The following ANKRD63 variants were observed in gnomAD, a reference collection of about 807,000 sequenced individuals.
The protein encoded by ANKRD63 is ankyrin repeat domain 63, also known as ankyrin repeat domain-containing protein 63.
In ANKRD63, 18 loss-of-function variants were observed where a neutral mutation model predicts 21.2. The ratio of observed to expected loss-of-function variants is 0.85; its 90% CI spans 0.59 to 1.26. The LOEUF (loss-of-function observed/expected upper bound fraction) is 1.26. ANKRD63 is among the 50% of genes most tolerant of loss of function. ANKRD63 has a pLI of 0.00. For synonymous variants in ANKRD63, 322 were observed against 273.3 expected, an observed-to-expected ratio of 1.18 and a Z score of -1.76; for missense variants, 523 against 570.9, an observed-to-expected ratio of 0.92 and a Z score of 0.85.
Position 40,281,456 on chromosome 15 carries a change from A to G in ANKRD63, c.1131T>C (p.Arg377=), listed in dbSNP as rs1316421010. ...WQAGTEAVVL[R]AQR ...GCCTTGGCGCCGTTTACCGCTGAGC[A>G]CGCAGCACCACAGCCTCGGTGCCCG... The change falls in exon 1 of 1, where the codon CGT becomes CGC. Residue 377 remains arginine (R), a synonymous_variant. Coordinates refer to ENST00000434396, the MANE Select transcript of ANKRD63 (RefSeq NM_001190479.3). The G allele has an allele frequency of 3.5e-6, 5 of 1,416,342 alleles. No individual in the cohort carries two copies. Among genetic ancestry groups the G allele is most frequent in the Non-Finnish European group, 4.6e-6 (5 of 1,090,242 alleles). 87.7% of individuals were successfully genotyped at this position (1,416,342 alleles called of 1,614,324 possible).
chr15:40,282,029 G>A lies in ANKRD63; in HGVS notation c.558C>T (p.Ala186=), dbSNP rs1042534532. ...PWGRAAAAAA[A]RGSNSDSPPG... is the part of the protein sequence containing the mutation. Reference sequence around the variant, plus strand: ...GGGGACTATCGGAGTTGGAGCCCCGGGCCGCAGCGGCGGCGGCGGCGCGGC... The same window carrying A: ...GGGGACTATCGGAGTTGGAGCCCCGAGCCGCAGCGGCGGCGGCGGCGCGGC... Residue 186 remains alanine, a synonymous_variant, in exon 1 of 1, where the codon GCC becomes GCT. Coordinates refer to ENST00000434396, the MANE Select transcript of ANKRD63 (RefSeq NM_001190479.3). 2 of 1,220,142 alleles carry A rather than the reference G, an allele frequency of 1.6e-6. No homozygotes were observed. The highest frequency in any genetic ancestry group is 1.0e-6 in the Non-Finnish European group (1 of 982,136). The allele number at this position is 1,220,142 out of a possible 1,614,324, so 75.6% of individuals were successfully genotyped here.
Position 40,281,877 on chromosome 15 carries a change from C to T in ANKRD63, c.710G>A (p.Gly237Asp), listed in dbSNP as rs2039547882. The change falls in exon 1 of 1, where the codon GGC becomes GAC. Residue 237 changes from glycine to aspartate, a missense_variant. Gly to Asp is a moderately conservative substitution (Grantham distance 94). Transcript: ENST00000434396. ...CGCCCGGTGCCGGCCCGAATTCTTG[C>T]CCGCTGAGCCAGCCTCGCCGCCGTG... ...GGHGGEAGSA[G>D]KNSGRHRAQG... is the part of the protein sequence containing the mutation. The T allele has an allele frequency of 5.4e-6, 8 of 1,474,646 alleles. No homozygotes were observed. In the South Asian group the frequency reaches 6.6e-5, roughly 12 times the overall value. The allele number at this position is 1,474,646 out of a possible 1,614,324, so 91.3% of individuals were successfully genotyped here.
At position 40,281,909 on chromosome 15, in the gene ANKRD63, C is replaced by A. The variant is rs1268969765; in HGVS notation, c.678G>T (p.Ala226=). The change falls in exon 1 of 1, where the codon GCG becomes GCT. Residue 226 remains alanine (A), a synonymous_variant. Transcript: ENST00000434396. ...AGCCAGCCTCGCCGCCGTGGCCGCC[C>A]GCCGCTCGCGCAAAGCGCGCCAGGA... ...RPLLARFARA[A]GGHGGEAGSA... 1 of 1,408,842 alleles carries A rather than the reference C, an allele frequency of 7.1e-7. No individual in the cohort carries two copies. Among genetic ancestry groups the A allele is most frequent in the Admixed American group, 3.3e-5 (1 of 30,738 alleles). 87.3% of individuals were successfully genotyped at this position (1,408,842 alleles called of 1,614,324 possible). A position where few individuals can be genotyped will look rare whatever the true frequency, so the allele number is the denominator to read the frequency against.
chr15:40,281,759 G>A lies in ANKRD63; in HGVS notation c.828C>T (p.Ala276=). ...EEEAARLRAG[A]LMALPNSPQS... ...GGGGCGAGTTTGGTAGGGCCATCAG[G>A]GCCCCAGCCCGCAGGCGGGCAGCCT... Residue 276 remains alanine, a synonymous_variant, in exon 1 of 1, where the codon GCC becomes GCT. Transcript: ENST00000434396. The A allele has an allele frequency of 6.5e-7, 1 of 1,535,152 alleles. No individual in the cohort carries two copies. Among genetic ancestry groups the A allele is most frequent in the Non-Finnish European group, 8.7e-7 (1 of 1,146,568 alleles).
At position 40,282,226 on chromosome 15, in the gene ANKRD63, C is replaced by T; in HGVS notation, c.361G>A (p.Val121Met). The T allele has an allele frequency of 6.6e-7, 1 of 1,516,584 alleles. No individual in the cohort carries two copies. The highest frequency in any genetic ancestry group is 8.8e-7 in the Non-Finnish European group (1 of 1,139,574). The allele number at this position is 1,516,584 out of a possible 1,614,324, so 93.9% of individuals were successfully genotyped here. ...EAADSAGNSP[V>M]MWAAACGHGA... Reference sequence around the variant, plus strand: ...TGGCCGCAGGCCGCCGCCCACATCACCGGGCTGTTGCCCGCAGAGTCGGCC... The same window carrying T: ...TGGCCGCAGGCCGCCGCCCACATCATCGGGCTGTTGCCCGCAGAGTCGGCC... The change falls in exon 1 of 1, where the codon GTG (valine) becomes ATG (methionine). Residue 121 changes from valine (V) to methionine (M), a missense_variant. Coordinates refer to ENST00000434396, the MANE Select transcript of ANKRD63 (RefSeq NM_001190479.3).
chr15:40,281,861 C>T lies in ANKRD63; in HGVS notation c.726G>A (p.Arg242=), dbSNP rs1380731867. The T allele has an allele frequency of 6.6e-7, 1 of 1,507,168 alleles. No homozygotes were observed. The highest frequency in any genetic ancestry group is 8.8e-7 in the Non-Finnish European group (1 of 1,134,836). 93.4% of individuals were successfully genotyped at this position (1,507,168 alleles called of 1,614,324 possible). The change falls in exon 1 of 1, where the codon CGG becomes CGA. Residue 242 remains arginine, a synonymous_variant. Coordinates refer to ENST00000434396, the MANE Select transcript of ANKRD63 (RefSeq NM_001190479.3). ...EAGSAGKNSG[R]HRAQGSERPE... ...GCCGTTCGCTGCCCTGCGCCCGGTG[C>T]CGGCCCGAATTCTTGCCCGCTGAGC...
Position 40,282,505 on chromosome 15 carries a change from C to T in ANKRD63, c.82G>A (p.Ala28Thr). Residue 28 changes from alanine to threonine, a missense_variant, in exon 1 of 1, where the codon GCC becomes ACC. Ala to Thr is a moderately conservative substitution (Grantham distance 58). Around this residue, in one of 2 missense-constraint regions of ANKRD63, gnomAD observed 215 missense variants for 280.4 expected, o/e 0.77. Coordinates refer to ENST00000434396, the MANE Select transcript of ANKRD63 (RefSeq NM_001190479.3). The part of the protein sequence containing the change: ...EAMQAGKVHL[A>T]RFVLDALDRS... ...TCCAGCGCATCCAACACGAAGCGGG[C>T]CAAGTGCACTTTGCCCGCCTGCATG... 3 of 1,512,174 alleles carry T rather than the reference C, an allele frequency of 2.0e-6. No homozygotes were observed. The highest frequency in any genetic ancestry group is 1.4e-5 in the African/African-American group (1 of 69,868). 93.7% of individuals were successfully genotyped at this position (1,512,174 alleles called of 1,614,324 possible). A position where few individuals can be genotyped will look rare whatever the true frequency, so the allele number is the denominator to read the frequency against.
chr15:40,282,858 C>T lies in ANKRD63; in HGVS notation c.-272G>A, dbSNP rs2039562244. On this transcript the variant is annotated 5_prime_UTR_variant, in exon 1 of 1. Coordinates refer to ENST00000434396, the MANE Select transcript of ANKRD63 (RefSeq NM_001190479.3). ...TTGCTCGCTACTCCGGGCTCCGCTC[C>T]TGGCCCGCCACCAGACGTCGGGAGC... Among the ~76,000 whole-genome samples the T allele has an allele frequency of 6.6e-6, 1 of 152,236 alleles. No homozygotes were observed. The highest frequency in any genetic ancestry group is 1.5e-5 in the Non-Finnish European group (1 of 68,038).
rs752021568 is a variant in ANKRD63 at position 40,279,774 on chromosome 15, C to G, written c.*1670G>C. On this transcript the variant is annotated 3_prime_UTR_variant, in exon 1 of 1. Coordinates refer to ENST00000434396, the MANE Select transcript of ANKRD63 (RefSeq NM_001190479.3). ...TGGGAGTTGCTGGCGAGAAACCTTC[C>G]GTACTGCAAAGGCAAACAGATCGAA... Among the ~76,000 whole-genome samples, 1 of 152,244 alleles carries G rather than the reference C, an allele frequency of 6.6e-6. No individual in the cohort carries two copies. Among genetic ancestry groups the G allele is most frequent in the Non-Finnish European group, 1.5e-5 (1 of 68,048 alleles).
Position 40,281,681 on chromosome 15 carries a change from G to C in ANKRD63, c.906C>G (p.Pro302=). The part of the protein sequence containing the change: ...WRSQEVLEGA[P]PTLAQAPIGL... ...CAATGGGGGCTTGCGCTAAGGTTGG[G>C]GGCGCTCCCTCCAGCACCTCCTGTG... The change falls in exon 1 of 1, where the codon CCC becomes CCG. Residue 302 remains proline (P), a synonymous_variant. Coordinates refer to ENST00000434396, the MANE Select transcript of ANKRD63 (RefSeq NM_001190479.3). 6.5e-7 allele frequency: 1 copy of C among 1,531,034 alleles called. No homozygotes were observed. Among genetic ancestry groups the C allele is most frequent in the Non-Finnish European group, 8.7e-7 (1 of 1,143,676 alleles). The allele number at this position is 1,531,034 out of a possible 1,614,324, so 94.8% of individuals were successfully genotyped here. A position where few individuals can be genotyped will look rare whatever the true frequency, so the allele number is the denominator to read the frequency against.
Position 40,282,663 on chromosome 15 carries a change from G to C in ANKRD63, c.-77C>G, listed in dbSNP as rs1239972008. 1 of 1,185,692 alleles carries C rather than the reference G, an allele frequency of 8.4e-7. No homozygotes were observed. Among genetic ancestry groups the C allele is most frequent in the African/African-American group, 1.6e-5 (1 of 61,716 alleles). The allele number at this position is 1,185,692 out of a possible 1,614,324, so 73.4% of individuals were successfully genotyped here. A position where few individuals can be genotyped will look rare whatever the true frequency, so the allele number is the denominator to read the frequency against. Reference sequence around the variant, plus strand: ...CTGTTCTCGCGCCCCGCGGGGCTCCGGCCTCCGCCCGCGCTCTGATACCTC... The same window carrying C: ...CTGTTCTCGCGCCCCGCGGGGCTCCCGCCTCCGCCCGCGCTCTGATACCTC... On this transcript the variant is annotated 5_prime_UTR_variant, in exon 1 of 1. Coordinates refer to ENST00000434396, the MANE Select transcript of ANKRD63 (RefSeq NM_001190479.3).
rs537559027 is a variant in ANKRD63, at chr15:40,281,235, G to A, written c.*209C>T. 2.6e-5 allele frequency among the ~76,000 whole-genome samples: 4 copies of A among 152,330 alleles called. No homozygotes were observed. Among genetic ancestry groups the A allele is most frequent in the South Asian group, 4.1e-4 (2 of 4,826 alleles). On this transcript the variant is annotated 3_prime_UTR_variant, in exon 1 of 1. Transcript: ENST00000434396. Reference sequence around the variant, plus strand: ...CAGTCAATCGACACCTCTAGACCTAGGCAGGGAATACCGAGGAGCACAAAA... The same window carrying A: ...CAGTCAATCGACACCTCTAGACCTAAGCAGGGAATACCGAGGAGCACAAAA...
chr15:40,280,592 G>C lies in ANKRD63; in HGVS notation c.*852C>G, dbSNP rs139912528. Among the ~76,000 whole-genome samples the C allele has an allele frequency of 1.0e-3, 153 of 152,396 alleles. No homozygotes were observed. The highest frequency in any genetic ancestry group is 3.6e-3 in the African/African-American group (150 of 41,594). On this transcript the variant is annotated 3_prime_UTR_variant, in exon 1 of 1. Transcript: ENST00000434396. ...TTCCATTTCAGGCCTCTGTGACCCA[G>C]CGGAAATAGGGCTTGGGCCTCCAGG...
In ANKRD63 at chr15:40,281,407, G is replaced by T; in HGVS notation, c.*37C>A. 7.4e-7 allele frequency: 1 copy of T among 1,352,520 alleles called. No homozygotes were observed. Among genetic ancestry groups the T allele is most frequent in the Non-Finnish European group, 9.5e-7 (1 of 1,054,148 alleles). 83.8% of individuals were successfully genotyped at this position (1,352,520 alleles called of 1,614,324 possible). A position where few individuals can be genotyped will look rare whatever the true frequency, so the allele number is the denominator to read the frequency against. The stretch of plus-strand genomic sequence containing the variant: ...AGAAATACCAGTGGAGTAGAAACGG[G>T]AGGGTAGGGGAAGCAGGCCTCGGGC... On this transcript the variant is annotated 3_prime_UTR_variant, in exon 1 of 1. Transcript: ENST00000434396.
In ANKRD63 at chr15:40,280,973, G is replaced by C. The variant is rs2039534833; in HGVS notation, c.*471C>G. ...GTCCTTTCCTTCTCCCACACTTGGA[G>C]GGAAAGGAGACTTTGGTAGTTTGTG... On this transcript the variant is annotated 3_prime_UTR_variant, in exon 1 of 1. Transcript: ENST00000434396. 6.6e-6 allele frequency among the ~76,000 whole-genome samples: 1 copy of C among 152,262 alleles called. No individual in the cohort carries two copies. Among genetic ancestry groups the C allele is most frequent in the Non-Finnish European group, 1.5e-5 (1 of 68,048 alleles).
chr15:40,280,702 G>A lies in ANKRD63; in HGVS notation c.*742C>T, dbSNP rs2039531880. Among the ~76,000 whole-genome samples the A allele has an allele frequency of 6.6e-6, 1 of 152,248 alleles. No homozygotes were observed. Among genetic ancestry groups the A allele is most frequent in the Non-Finnish European group, 1.5e-5 (1 of 68,046 alleles). Reference sequence around the variant, plus strand: ...GCTCTGGAGCCCGGAGTTGGCCTGGGTAGGGGTTGTGTGGAGCAGTGACTC... The same window carrying A: ...GCTCTGGAGCCCGGAGTTGGCCTGGATAGGGGTTGTGTGGAGCAGTGACTC... On this transcript the variant is annotated 3_prime_UTR_variant, in exon 1 of 1. Transcript: ENST00000434396.
chr15:40,282,665 C>A lies in ANKRD63; in HGVS notation c.-79G>T, dbSNP rs1306018615. The A allele has an allele frequency of 3.5e-6, 4 of 1,157,212 alleles. No homozygotes were observed. Among genetic ancestry groups the A allele is most frequent in the African/African-American group, 1.6e-5 (1 of 61,234 alleles). 71.7% of individuals were successfully genotyped at this position (1,157,212 alleles called of 1,614,324 possible). A position where few individuals can be genotyped will look rare whatever the true frequency, so the allele number is the denominator to read the frequency against. On this transcript the variant is annotated 5_prime_UTR_variant, in exon 1 of 1. Coordinates refer to ENST00000434396, the MANE Select transcript of ANKRD63 (RefSeq NM_001190479.3). Reference sequence around the variant, plus strand: ...GTTCTCGCGCCCCGCGGGGCTCCGGCCTCCGCCCGCGCTCTGATACCTCTC... The same window carrying A: ...GTTCTCGCGCCCCGCGGGGCTCCGGACTCCGCCCGCGCTCTGATACCTCTC...
Position 40,279,818 on chromosome 15 carries a change from T to TG in ANKRD63, c.*1625dup, listed in dbSNP as rs1303897839. Among the ~76,000 whole-genome samples, 1 of 152,264 alleles carries TG rather than the reference T, an allele frequency of 6.6e-6. No individual in the cohort carries two copies. Among genetic ancestry groups the TG allele is most frequent in the Non-Finnish European group, 1.5e-5 (1 of 68,038 alleles). ...GATCGAAGTCTTGCAAAGACCTTACTGCAGGCAGGTGAAAGGCTTCAAGTT... is the reference window on the plus strand; with the variant it reads ...GATCGAAGTCTTGCAAAGACCTTACTGGCAGGCAGGTGAAAGGCTTCAAGTT... On this transcript the variant is annotated 3_prime_UTR_variant, in exon 1 of 1. Transcript: ENST00000434396.
rs28474677 is a variant in ANKRD63, at chr15:40,281,368, G to A, written c.*76C>T. ...CGGGGGGCGGCTGCCGAAAAGGTGAGGGACCTAGAAGAGAGAAATACCAGT... is the reference window on the plus strand; with the variant it reads ...CGGGGGGCGGCTGCCGAAAAGGTGAAGGACCTAGAAGAGAGAAATACCAGT... On this transcript the variant is annotated 3_prime_UTR_variant, in exon 1 of 1. Coordinates refer to ENST00000434396, the MANE Select transcript of ANKRD63 (RefSeq NM_001190479.3). 4.8e-6 allele frequency: 6 copies of A among 1,241,678 alleles called. No individual in the cohort carries two copies. Among genetic ancestry groups the A allele is most frequent in the Non-Finnish European group, 6.2e-6 (6 of 967,842 alleles). The allele number at this position is 1,241,678 out of a possible 1,614,324, so 76.9% of individuals were successfully genotyped here.
Sources: gnomAD v4.1 joint callset for allele counts (sites outside exome capture counted in the v4.1 genomes callset) on GRCh38, gnomAD v4.1.1 for gene constraint, gnomAD v4.1.1 regional missense constraint, MANE v1.5 for transcripts, NCBI Gene and HGNC (gene_info 2026-07-23, HGNC 2026-07-21) for gene names.